NSD3: variants seen among roughly 807,000 people sequenced by gnomAD.
NSD3 encodes the protein nuclear receptor binding SET domain protein 3.
NSD3 carries 24 observed loss-of-function variants against 160.8 expected under a neutral mutation model. That is an observed-to-expected ratio of 0.15 (90% CI 0.11 to 0.21). The LOEUF (loss-of-function observed/expected upper bound fraction) is 0.21, where lower values mean the gene tolerates loss of function less well. Ranked by LOEUF, NSD3 falls within the 10% of genes least tolerant of loss-of-function variation. The probability of loss-of-function intolerance (pLI) is 1.00; values close to 1 mark genes in which losing one functional copy is unlikely to be tolerated. For missense variants in NSD3, 1,157 were observed against 1,735.9 expected, an observed-to-expected ratio of 0.67 and a Z score of 5.93; for synonymous variants, 520 against 600.0, an observed-to-expected ratio of 0.87 and a Z score of 1.95.
rs758506104 is a variant in NSD3 at position 38,295,776 on chromosome 8, T to C, written c.2915+20A>G. On this transcript the variant is annotated intron_variant, in intron 16 of 23. Transcript: ENST00000317025. ...TGCACAATGATTGAATACTTCCTCT[T>C]TGTTCTTGGAAAAACTTGCCTGTAA... 3.7e-6 allele frequency: 6 copies of C among 1,610,508 alleles called. No homozygotes were observed. In the East Asian group the frequency reaches 1.3e-4, roughly 36 times the overall value.
chr8:38,275,582 T>C lies in NSD3; in HGVS notation c.*59A>G. On this transcript the variant is annotated 3_prime_UTR_variant, in exon 24 of 24. Coordinates refer to ENST00000317025, the MANE Select transcript of NSD3 (RefSeq NM_023034.2). ...TATGCACTGTAGCAGTCTCTTCTTT[T>C]TAAATGCATGATCTATTTGCTTTTT... The C allele has an allele frequency of 6.6e-7, 1 of 1,507,172 alleles. No individual in the cohort carries two copies. The highest frequency in any genetic ancestry group is 1.2e-5 in the South Asian group (1 of 80,378). The allele number at this position is 1,507,172 out of a possible 1,614,324, so 93.4% of individuals were successfully genotyped here.
intron 1 of NSD3, among the ~76,000 whole-genome samples, chr8:38,365,092 T>C (rs1013725937): frequency 6.6e-6 from 1 of 152,328 alleles, no homozygotes; most frequent in African/African-American, 2.4e-5. Context: ...GCAGATAGAA[T>C]TTATTTAGTA....
At chr8:38,338,503 T>A in intron 3 of NSD3, 33 bp downstream of exon 3, 1 of 1,551,874 alleles carries the variant, frequency 6.4e-7, no homozygotes, top group Non-Finnish European at 8.9e-7. Context: ...TTCCACCATA[T>A]TTGGTTAGAC....
chr8:38,343,055 G>T (rs1810417056), intron 2 of NSD3, among the ~76,000 whole-genome samples: 1 of 151,748 alleles, frequency 6.6e-6, no homozygotes, highest in Non-Finnish European at 1.5e-5. Flanking sequence ...AATTAGCTGA[G>T]TGTGGTGACG....
chr8:38,295,843 C>T lies in NSD3; in HGVS notation c.2868G>A (p.Lys956=). ...AAACAATCTGCTTGTAATGTAGTTT[C>T]TTGCCAGCTTTACAGTCATTACAAT... ...CWNCNDCKAG[K]KLHYKQIVWV... The change falls in exon 16 of 24, where the codon AAG becomes AAA. Residue 956 remains lysine (K), a synonymous_variant. Transcript: ENST00000317025. 6.2e-7 allele frequency: 1 copy of T among 1,613,792 alleles called. No homozygotes were observed. The highest frequency in any genetic ancestry group is 1.1e-5 in the South Asian group (1 of 90,928).
At chr8:38,294,352 T>C (rs1809081360) in intron 16 of NSD3, among the ~76,000 whole-genome samples, 1 of 152,164 alleles carries the variant, frequency 6.6e-6, no homozygotes, top group African/African-American at 2.4e-5. Flanking sequence ...TGCCCCAGCC[T>C]CCTACAGTGC....
Position 38,331,472 on chromosome 8 carries a change from C to T in NSD3, c.1024G>A (p.Glu342Lys). The T allele has an allele frequency of 6.2e-7, 1 of 1,608,852 alleles. No homozygotes were observed. Among genetic ancestry groups the T allele is most frequent in the Non-Finnish European group, 8.5e-7 (1 of 1,177,766 alleles). ...TGATTGCTGGCTTGTTTGGTTGCCT[C>T]AGCCAGTAATTCTTCATACTGTTTA... ...GHKQYEELLA[E>K]ATKQASNHSE... The change falls in exon 5 of 24, where the codon GAG becomes AAG. Residue 342 changes from glutamate (E) to lysine (K), a missense_variant. Around this residue, in one of 10 missense-constraint regions of NSD3, gnomAD observed 168 missense variants for 208.1 expected, o/e 0.81. Coordinates refer to ENST00000317025, the MANE Select transcript of NSD3 (RefSeq NM_023034.2).
chr8:38,303,780 A>G lies in NSD3; in HGVS notation c.2611+807T>C, dbSNP rs1173621650. On this transcript the variant is annotated intron_variant, in intron 14 of 23. Transcript: ENST00000317025. ...GAGGCCTTGAGAATAGTTCAGAGGG[A>G]AAGTCAGAAAACTTTGCACTTAAAA... Among the ~76,000 whole-genome samples the G allele has an allele frequency of 4.6e-5, 7 of 152,332 alleles. No homozygotes were observed. The South Asian group carries it at 1.0e-3, about 23-fold the overall frequency.
At position 38,317,894 on chromosome 8, in the gene NSD3, C is replaced by T. The variant is rs989367411; in HGVS notation, c.1855+1001G>A. Reference sequence around the variant, plus strand: ...AAGAAACTGTTTATCAAGCCGCCGACAAAGAAATCTTGCATGGAGACTACA... The same window carrying T: ...AAGAAACTGTTTATCAAGCCGCCGATAAAGAAATCTTGCATGGAGACTACA... On this transcript the variant is annotated intron_variant, in intron 9 of 23. Transcript: ENST00000317025. The surrounding 1 kb of genome is among the most constrained non-coding windows in gnomAD (Gnocchi z 5.3). The T allele has an allele frequency of 8.1e-6, 13 of 1,601,814 alleles. No individual in the cohort carries two copies. Among genetic ancestry groups the T allele is most frequent in the African/African-American group, 1.3e-5 (1 of 74,282 alleles).
intron 2 of NSD3, among the ~76,000 whole-genome samples, chr8:38,343,964 C>T (rs950316527): frequency 3.3e-5 from 5 of 152,120 alleles, no homozygotes; most frequent in Non-Finnish European, 7.3e-5. Flanking sequence ...ATAGGGCCTA[C>T]GCTCACATGC....
rs1218955846 is a variant in NSD3 at position 38,271,417 on chromosome 8, C to A, written c.*4224G>T. 1.3e-5 allele frequency: 2 copies of A among 151,908 alleles called. No homozygotes were observed. The highest frequency in any genetic ancestry group is 6.6e-5 in the Admixed American group (1 of 15,262). 9.4% of individuals were successfully genotyped at this position (151,908 alleles called of 1,614,324 possible). ...ACATTATCCCCCCCCTTACCCTTTA[C>A]CAGGAGAAAGGGGGTTCCCTTTCTC... On this transcript the variant is annotated 3_prime_UTR_variant, in exon 24 of 24. Coordinates refer to ENST00000317025, the MANE Select transcript of NSD3 (RefSeq NM_023034.2).
At chr8:38,312,330 T>G (rs1269633102) in intron 12 of NSD3, among the ~76,000 whole-genome samples, 1 of 152,222 alleles carries the variant, frequency 6.6e-6, no homozygotes, top group African/African-American at 2.4e-5. Context: ...CCTCTTAAAT[T>G]TTCTAATAGA....
chr8:38,373,073 A>AAAAAAAG (rs1043616396), intron 1 of NSD3, among the ~76,000 whole-genome samples: 1 of 151,882 alleles, frequency 6.6e-6, no homozygotes, highest in African/African-American at 2.4e-5. Context: ...AGAAAGAAAG[A>AAAAAAAG]AAAAAAGAAA....
intron 2 of NSD3, among the ~76,000 whole-genome samples, chr8:38,341,355 T>C (rs995415412): frequency 6.6e-6 from 1 of 152,008 alleles, no homozygotes; most frequent in Admixed American, 6.6e-5. Context: ...CGTGCCAAGA[T>C]GGTGAAACCC....
Position 38,315,114 on chromosome 8 carries a change from C to T in NSD3, c.2115+302G>A, listed in dbSNP as rs564766804. On this transcript the variant is annotated intron_variant, in intron 11 of 23. Coordinates refer to ENST00000317025, the MANE Select transcript of NSD3 (RefSeq NM_023034.2). ...GGGCAAAGCAGTATTTTTTCAAGAA[C>T]GGTAAAAATACACTGAGAAAGTTAT... Among the ~76,000 whole-genome samples, 7 of 152,174 alleles carry T rather than the reference C, an allele frequency of 4.6e-5. No individual in the cohort carries two copies. The South Asian group carries it at 6.2e-4, about 14-fold the overall frequency.
At chr8:38,286,924 C>G (rs932225496) in intron 19 of NSD3, among the ~76,000 whole-genome samples, 1 of 152,212 alleles carries the variant, frequency 6.6e-6, no homozygotes, top group Non-Finnish European at 1.5e-5. Context: ...AAGGGCAATC[C>G]CTGTCACCAG....
intron 19 of NSD3, among the ~76,000 whole-genome samples, chr8:38,284,465 T>G (rs1808810867): frequency 6.6e-6 from 1 of 152,236 alleles, no homozygotes; most frequent in Non-Finnish European, 1.5e-5. Context: ...CTTGGCCCAC[T>G]GCAACCTCCG....
At chr8:38,354,601 TA>T (rs891882873) in intron 1 of NSD3, among the ~76,000 whole-genome samples, 1 of 152,154 alleles carries the variant, frequency 6.6e-6, no homozygotes, top group African/African-American at 2.4e-5. Flanking sequence ...TTGAGGATTT[TA>T]AAAAAGGTAT....
chr8:38,299,424 G>T lies in NSD3; in HGVS notation c.2758+20C>A, dbSNP rs370474459. ...AGGAAATGCAAAAATAAAAGCAAGA[G>T]AAACTATTTTGATTATTACCTTTCT... On this transcript the variant is annotated intron_variant, in intron 15 of 23. Transcript: ENST00000317025. 1.9e-6 allele frequency: 3 copies of T among 1,601,306 alleles called. No individual in the cohort carries two copies. The highest frequency in any genetic ancestry group is 2.7e-5 in the African/African-American group (2 of 74,318).
Sources: allele counts gnomAD v4.1 joint callset (sites outside exome capture counted in the v4.1 genomes callset), GRCh38; gene constraint gnomAD v4.1.1; regional missense constraint gnomAD v4.1.1; non-coding constraint Gnocchi (gnomAD v3.1); transcripts MANE v1.5; gene names NCBI Gene and HGNC (gene_info 2026-07-23, HGNC 2026-07-21).